Variants in PHF14 observed in about 807,000 individuals in gnomAD.
PHF14 encodes the protein PHD finger protein 14.
A neutral mutation model predicts 117.9 loss-of-function variants in PHF14; 55 were observed. The ratio of observed to expected loss-of-function variants is 0.47; its 90% CI spans 0.38 to 0.58. The LOEUF (loss-of-function observed/expected upper bound fraction) is 0.58. PHF14 is among the 20% of genes least tolerant of loss of function. PHF14 has a pLI of 0.00. For missense variants in PHF14, 978 were observed against 1,122.2 expected (o/e 0.87, Z 1.84); for synonymous variants, 409 against 368.6 (o/e 1.11, Z -1.26).
chr7:11,070,317 A>G (rs1327326036), intron 16 of PHF14, among the ~76,000 whole-genome samples: 1 of 151,916 alleles, frequency 6.6e-6, no homozygotes, highest in Non-Finnish European at 1.5e-5. Flanking sequence ...AACTCAAACA[A>G]TCCTCTATCC....
intron 17 of PHF14, among the ~76,000 whole-genome samples, chr7:11,118,486 T>G (rs891153018): frequency 6.6e-6 from 1 of 151,890 alleles, no homozygotes; most frequent in African/African-American, 2.4e-5. Flanking sequence ...AATTATTTGC[T>G]TAACAATCCC....
At chr7:11,071,934 G>A (rs1428637428) in intron 16 of PHF14, among the ~76,000 whole-genome samples, 1 of 152,072 alleles carries the variant, frequency 6.6e-6, no homozygotes, top group Admixed American at 6.6e-5. Flanking sequence ...TATATTAAGA[G>A]CCTAGATTCT....
At chr7:11,072,933 A>T (rs1198745348) in intron 16 of PHF14, among the ~76,000 whole-genome samples, 1 of 152,116 alleles carries the variant, frequency 6.6e-6, no homozygotes, top group Non-Finnish European at 1.5e-5. Context: ...AACAGCAAGA[A>T]TTTGCTTATT....
intron 5 of PHF14, among the ~76,000 whole-genome samples, chr7:11,020,151 C>T (rs998665142): frequency 2.0e-5 from 3 of 151,822 alleles, no homozygotes; most frequent in Non-Finnish European, 2.9e-5. Flanking sequence ...TGCAGTGGCA[C>T]GATATTGGCT....
intron 13 of PHF14, among the ~76,000 whole-genome samples, chr7:11,043,924 T>G (rs774876525): frequency 2.6e-5 from 4 of 152,062 alleles, no homozygotes; most frequent in Non-Finnish European, 5.9e-5. Flanking sequence ...AATGAAGTTA[T>G]GGACCCTCCT....
chr7:11,110,631 A>G (rs561499461), intron 16 of PHF14: 1 of 531,050 alleles, frequency 1.9e-6, no homozygotes, highest in East Asian at 1.5e-4. Flanking sequence ...TGTACTAGGA[A>G]GTACTTTGTA....
At chr7:11,058,243 C>A (rs904303906) in intron 14 of PHF14, among the ~76,000 whole-genome samples, 11 of 152,068 alleles carry the variant, frequency 7.2e-5, no homozygotes, top group Admixed American at 1.3e-4. Flanking sequence ...AACTTATTTT[C>A]GTTTTTCTTG....
chr7:11,041,695 A>G (rs542663075), intron 12 of PHF14, among the ~76,000 whole-genome samples: 1 of 152,066 alleles, frequency 6.6e-6, no homozygotes, highest in Non-Finnish European at 1.5e-5. Flanking sequence ...TTCTCAGGCC[A>G]GCTTTTTCAA....
chr7:10,989,860 G>A (rs1220596778), intron 3 of PHF14, among the ~76,000 whole-genome samples: 1 of 152,100 alleles, frequency 6.6e-6, no homozygotes, highest in East Asian at 1.9e-4. Flanking sequence ...CAAACTCCTG[G>A]CCTCAAGTGA....
intron 17 of PHF14, among the ~76,000 whole-genome samples, chr7:11,113,532 A>G (rs747690723): frequency 6.6e-6 from 1 of 152,222 alleles, no homozygotes; most frequent in Non-Finnish European, 1.5e-5. Context: ...TTGGAATGTC[A>G]CAGCAGTTTA....
chr7:11,057,474 G>A (rs755727647), intron 14 of PHF14, among the ~76,000 whole-genome samples: 2 of 151,856 alleles, frequency 1.3e-5, no homozygotes, highest in African/African-American at 2.4e-5. Flanking sequence ...TCCCAGGATC[G>A]AGCGATTCTC....
intron 16 of PHF14, chr7:11,063,447 T>A (rs1392984555): frequency 1.0e-6 from 1 of 976,604 alleles, no homozygotes; most frequent in Non-Finnish European, 1.2e-6. Flanking sequence ...TCTTATATAA[T>A]GAACAAAAAT....
chr7:10,996,593 T>TG (rs1782655957), intron 4 of PHF14, among the ~76,000 whole-genome samples: 1 of 151,804 alleles, frequency 6.6e-6, no homozygotes, highest in Non-Finnish European at 1.5e-5. Context: ...CAGAGGTTAT[T>TG]GAAAAAAAAA....
In PHF14 at chr7:10,973,998, A is replaced by AT. The variant is rs111286363; in HGVS notation, c.-318dup. 27 of 291,964 alleles carry AT rather than the reference A, an allele frequency of 9.2e-5. No homozygotes were observed. Among genetic ancestry groups the AT allele is most frequent in the African/African-American group, 4.8e-4 (22 of 45,460 alleles). The allele number at this position is 291,964 out of a possible 1,614,324, so 18.1% of individuals were successfully genotyped here. ...GGCTAATAAAGTTTTTCTTTCTTTA[A>AT]TTTTTTTTCTTCTAGTTTTAACGGG... is the stretch of plus-strand genomic sequence containing the variant. On this transcript the variant is annotated 5_prime_UTR_variant, in exon 1 of 18. Coordinates refer to ENST00000634607, the MANE Select transcript of PHF14 (RefSeq NM_001007157.2).
At chr7:10,980,680 A>G (rs1782019517) in intron 2 of PHF14, among the ~76,000 whole-genome samples, 1 of 152,102 alleles carries the variant, frequency 6.6e-6, no homozygotes, top group Non-Finnish European at 1.5e-5. Context: ...AACTGGTAGG[A>G]GTTTATTTGT....
chr7:11,115,354 G>C (rs1187770077), intron 17 of PHF14, among the ~76,000 whole-genome samples: 5 of 151,930 alleles, frequency 3.3e-5, no homozygotes, highest in Admixed American at 2.6e-4. Context: ...TATACAAAAT[G>C]ACTCATTAAA....
At chr7:11,095,250 T>C (rs1047614532) in intron 16 of PHF14, among the ~76,000 whole-genome samples, 1 of 152,186 alleles carries the variant, frequency 6.6e-6, no homozygotes, top group Admixed American at 6.5e-5. Flanking sequence ...GTGGTTACTG[T>C]TTTTATTTAC....
Position 11,011,612 on chromosome 7 carries a change from A to G in PHF14, c.1046-2135A>G, listed in dbSNP as rs79697056. 3.7e-4 allele frequency among the ~76,000 whole-genome samples: 56 copies of G among 152,334 alleles called. No homozygotes were observed. The East Asian group carries it at 0.01, about 28-fold the overall frequency. On this transcript the variant is annotated intron_variant, in intron 4 of 17. Coordinates refer to ENST00000634607, the MANE Select transcript of PHF14 (RefSeq NM_001007157.2). ...TAGAAATGACCTATTTTGAGATGTAATAAATGTGTCTCAGGAGACTGGAGA... is the reference window on the plus strand; with the variant it reads ...TAGAAATGACCTATTTTGAGATGTAGTAAATGTGTCTCAGGAGACTGGAGA...
chr7:11,074,064 G>A (rs550796236), intron 16 of PHF14, among the ~76,000 whole-genome samples: 1 of 152,254 alleles, frequency 6.6e-6, no homozygotes, highest in South Asian at 2.1e-4. Flanking sequence ...CTGCCTGGAA[G>A]ATCTCCAAAA....
Sources: allele counts gnomAD v4.1 joint callset (sites outside exome capture counted in the v4.1 genomes callset), GRCh38; gene constraint gnomAD v4.1.1; transcripts MANE v1.5; gene names NCBI Gene and HGNC (gene_info 2026-07-23, HGNC 2026-07-21).